The following PKP4 variants were observed in gnomAD, a reference collection of about 807,000 sequenced individuals.
PKP4 encodes plakophilin 4.
A neutral mutation model predicts 145.1 loss-of-function variants in PKP4; 90 were observed. That is an observed-to-expected ratio of 0.62 (90% CI 0.52 to 0.74). The LOEUF (loss-of-function observed/expected upper bound fraction) is 0.74, where lower values mean the gene tolerates loss of function less well. Among genes scored for constraint, PKP4 ranks in the 30% least tolerant of loss-of-function variants. The pLI, the probability that PKP4 is intolerant of heterozygous loss-of-function variation, is 0.00. For missense variants in PKP4, 1,340 were observed against 1,482.7 expected (o/e 0.90, Z 1.58); for synonymous variants, 563 against 577.2 (o/e 0.98, Z 0.35).
chr2:158,515,908 T>C (rs1001653734), intron 1 of PKP4, among the ~76,000 whole-genome samples: 5 of 152,108 alleles, frequency 3.3e-5, no homozygotes, highest in African/African-American at 9.7e-5. Flanking sequence ...GGGCTGGGCA[T>C]GATAGTGTGT....
chr2:158,661,367 C>A lies in PKP4; in HGVS notation c.2128C>A (p.Gln710Lys), dbSNP rs369625242. Reference protein sequence around the residue: ...LSSAGEEARKQMRSCEGLVDS... With the variant: ...LSSAGEEARKKMRSCEGLVDS... ...CTCCGCGGGGGAAGAAGCTCGGAAG[C>A]AAATGCGGTCCTGCGAGGGGCTGGT... is the stretch of plus-strand genomic sequence containing the variant. The change falls in exon 13 of 22, where the codon CAA becomes AAA. Residue 710 changes from glutamine (Q) to lysine (K), a missense_variant. Gln to Lys is a moderately conservative substitution (Grantham distance 53). Coordinates refer to ENST00000389759, the MANE Select transcript of PKP4 (RefSeq NM_003628.6). The A allele has an allele frequency of 6.2e-6, 10 of 1,613,734 alleles. No homozygotes were observed. The African/African-American group carries it at 1.1e-4, about 17-fold the overall frequency.
intron 1 of PKP4, among the ~76,000 whole-genome samples, chr2:158,518,624 T>C (rs1265481128): frequency 6.6e-6 from 1 of 152,234 alleles, no homozygotes; most frequent in Non-Finnish European, 1.5e-5. Flanking sequence ...TTGCACTGTT[T>C]CTTGTGTCCT....
At chr2:158,646,962 T>A (rs1333366313) in intron 11 of PKP4, among the ~76,000 whole-genome samples, 3 of 152,128 alleles carry the variant, frequency 2.0e-5, no homozygotes, top group African/African-American at 7.2e-5. Context: ...CATTTTTGCA[T>A]AGGAATGGCC....
intron 1 of PKP4, among the ~76,000 whole-genome samples, chr2:158,483,980 C>T (rs1232480917): frequency 1.3e-4 from 20 of 149,768 alleles, no homozygotes; most frequent in Admixed American, 1.2e-3. Context: ...TGTGTGTATA[C>T]ATTAAAAGTG....
chr2:158,467,300 A>G (rs1256875485), intron 1 of PKP4, among the ~76,000 whole-genome samples: 5 of 152,188 alleles, frequency 3.3e-5, no homozygotes, highest in African/African-American at 1.2e-4. Flanking sequence ...TGTAATCAAG[A>G]TACACAACAT....
intron 7 of PKP4, among the ~76,000 whole-genome samples, chr2:158,629,772 G>A (rs967161865): frequency 5.3e-5 from 8 of 151,898 alleles, no homozygotes; most frequent in East Asian, 1.9e-4. Context: ...GTGCAGTGGC[G>A]CGATCTCGGC....
intron 1 of PKP4, among the ~76,000 whole-genome samples, chr2:158,530,504 CTTTTTTTTTT>C (rs869120223): frequency 1.7e-4 from 16 of 92,142 alleles, no homozygotes; most frequent in Non-Finnish European, 2.0e-4. Flanking sequence ...CTCTTTCTTT[CTTTTTTTTTT>C]TTTTTTTTTT....
chr2:158,561,805 T>G (rs889857814), intron 2 of PKP4, among the ~76,000 whole-genome samples: 44 of 152,028 alleles, frequency 2.9e-4, no homozygotes, highest in African/African-American at 8.2e-4. Context: ...TTTTTTTTTT[T>G]TAATTTAAGT....
chr2:158,529,940 G>A (rs2043366246), intron 1 of PKP4, among the ~76,000 whole-genome samples: 1 of 152,158 alleles, frequency 6.6e-6, no homozygotes, highest in African/African-American at 2.4e-5. Context: ...TGGTAGGGTT[G>A]GGTCAAGGTC....
chr2:158,584,966 T>TG (rs1228734922), intron 3 of PKP4, among the ~76,000 whole-genome samples: 1 of 151,808 alleles, frequency 6.6e-6, no homozygotes, highest in Non-Finnish European at 1.5e-5. Flanking sequence ...AATCGTAGTT[T>TG]GTCTCCTGAC....
Position 158,577,401 on chromosome 2 carries a change from C to A in PKP4, c.245+18C>A, listed in dbSNP as rs772023072. The A allele has an allele frequency of 6.8e-7, 1 of 1,477,540 alleles. No individual in the cohort carries two copies. Among genetic ancestry groups the A allele is most frequent in the Non-Finnish European group, 9.4e-7 (1 of 1,059,168 alleles). 91.5% of individuals were successfully genotyped at this position (1,477,540 alleles called of 1,614,324 possible). A position where few individuals can be genotyped will look rare whatever the true frequency, so the allele number is the denominator to read the frequency against. On this transcript the variant is annotated intron_variant, in intron 3 of 21. Transcript: ENST00000389759. ...AGCACCAGGTACAGGGCCAATGGCT[C>A]CATCTTTATGCACACTCAAGTTACA...
intron 4 of PKP4, among the ~76,000 whole-genome samples, chr2:158,616,920 C>T (rs550722846): frequency 8.4e-4 from 128 of 152,258 alleles, no homozygotes; most frequent in African/African-American, 2.8e-3. Context: ...AGCATATCTT[C>T]ATGCACACAC....
intron 10 of PKP4, 69 bp from the exon 11 acceptor site, chr2:158,642,417 C>A: frequency 1.7e-6 from 2 of 1,150,104 alleles, no homozygotes; most frequent in South Asian, 1.4e-5. Flanking sequence ...CTCTCCATAA[C>A]GGACTTCTGT....
chr2:158,485,379 C>T (rs889916949), intron 1 of PKP4, among the ~76,000 whole-genome samples: 2 of 152,196 alleles, frequency 1.3e-5, no homozygotes, highest in Non-Finnish European at 2.9e-5. Flanking sequence ...TAGGAAATGG[C>T]AGTGCTGGAA....
intron 3 of PKP4, among the ~76,000 whole-genome samples, chr2:158,579,873 C>CTA (rs1337033449): frequency 5.3e-5 from 8 of 151,526 alleles, no homozygotes; most frequent in Admixed American, 3.9e-4. Flanking sequence ...ATATATATTG[C>CTA]TATATATATA....
chr2:158,589,087 C>T (rs1225930408), intron 3 of PKP4: 1 of 152,154 alleles, frequency 6.6e-6, no homozygotes, highest in East Asian at 1.9e-4. Context: ...ACCTTGGTAT[C>T]TTTGATTATC....
intron 7 of PKP4, among the ~76,000 whole-genome samples, chr2:158,625,701 T>C (rs922442402): frequency 2.0e-5 from 3 of 152,242 alleles, no homozygotes; most frequent in African/African-American, 7.2e-5. Flanking sequence ...GTGCTTTTTT[T>C]GCATTTCATA....
intron 1 of PKP4, among the ~76,000 whole-genome samples, chr2:158,509,334 C>T (rs1050039346): frequency 2.6e-5 from 4 of 152,100 alleles, no homozygotes; most frequent in African/African-American, 7.2e-5. Context: ...AGGTATTTTA[C>T]CACTCACTTT....
chr2:158,571,960 C>T (rs1318805775), intron 2 of PKP4, among the ~76,000 whole-genome samples: 1 of 152,174 alleles, frequency 6.6e-6, no homozygotes, highest in Non-Finnish European at 1.5e-5. Flanking sequence ...ACTAGATGTG[C>T]AGTATCCTAA....
Sources: allele counts gnomAD v4.1 joint callset (sites outside exome capture counted in the v4.1 genomes callset), GRCh38; gene constraint gnomAD v4.1.1; transcripts MANE v1.5; gene names NCBI Gene and HGNC (gene_info 2026-07-23, HGNC 2026-07-21).